SHF: variants seen among roughly 807,000 people sequenced by gnomAD.
SHF encodes the protein Src homology 2 domain containing F.
SHF carries 30 observed loss-of-function variants against 42.4 expected under a neutral mutation model. That is an observed-to-expected ratio of 0.71 (90% CI 0.53 to 0.96). The LOEUF (loss-of-function observed/expected upper bound fraction) is 0.96. Ranked by LOEUF, SHF falls within the 40% of genes least tolerant of loss-of-function variation. The pLI, the probability that SHF is intolerant of heterozygous loss-of-function variation, is 0.00. For missense variants in SHF, 598 were observed against 634.0 expected, an observed-to-expected ratio of 0.94 and a Z score of 0.61; for synonymous variants, 264 against 269.9, an observed-to-expected ratio of 0.98 and a Z score of 0.21.
intron 2 of SHF, 54 bp from the exon 3 acceptor site, chr15:45,175,479 C>T (rs1201293066): frequency 2.0e-6 from 3 of 1,525,430 alleles, no homozygotes; most frequent in Non-Finnish European, 2.7e-6. Flanking sequence ...GGCTTTCTGG[C>T]TCCCCTCCTC....
intron 1 of SHF, among the ~76,000 whole-genome samples, chr15:45,182,816 C>A (rs1479836293): frequency 6.6e-6 from 1 of 152,238 alleles, no homozygotes; most frequent in Non-Finnish European, 1.5e-5. Flanking sequence ...TCCTCGAGAT[C>A]AAACTTTTTA....
chr15:45,185,515 G>A (rs1898343978), intron 1 of SHF, among the ~76,000 whole-genome samples: 1 of 152,236 alleles, frequency 6.6e-6, no homozygotes, highest in South Asian at 2.1e-4. Context: ...CCTGCCCCGG[G>A]CCAACTCAGA....
chr15:45,200,442 C>T (rs537482987), intron 1 of SHF: 3 of 239,104 alleles, frequency 1.3e-5, no homozygotes, highest in Middle Eastern at 1.6e-3. Flanking sequence ...ACCGAGGTTG[C>T]TGCGGCCACA....
At chr15:45,194,493 A>G (rs1898806660) in intron 2 of SHF, among the ~76,000 whole-genome samples, 1 of 152,036 alleles carries the variant, frequency 6.6e-6, no homozygotes, top group African/African-American at 2.4e-5. Context: ...CTGAGGTTAC[A>G]GGTCCCTGCC....
chr15:45,173,539 G>A, intron 4 of SHF, 37 bp downstream of exon 4: 1 of 1,463,584 alleles, frequency 6.8e-7, no homozygotes, highest in Non-Finnish European at 9.0e-7. Flanking sequence ...GAGGGGTGAG[G>A]ACATGTCACC....
At chr15:45,177,910 CTT>C (rs953867672) in intron 2 of SHF, among the ~76,000 whole-genome samples, 1 of 152,222 alleles carries the variant, frequency 6.6e-6, no homozygotes, top group African/African-American at 2.4e-5. Context: ...CCTCACCACT[CTT>C]TTCCTTCCTA....
At chr15:45,195,260 A>G (rs1413352314) in intron 2 of SHF, among the ~76,000 whole-genome samples, 1 of 152,152 alleles carries the variant, frequency 6.6e-6, no homozygotes, top group Non-Finnish European at 1.5e-5. Context: ...CTTTATGGAG[A>G]TAATTTTTCC....
In SHF at chr15:45,187,564, G is replaced by C; in HGVS notation, c.388C>G (p.Pro130Ala). 2.4e-6 allele frequency: 3 copies of C among 1,229,258 alleles called. No individual in the cohort carries two copies. Among genetic ancestry groups the C allele is most frequent in the Non-Finnish European group, 2.0e-6 (2 of 985,738 alleles). The allele number at this position is 1,229,258 out of a possible 1,614,324, so 76.1% of individuals were successfully genotyped here. ...TGTGGGGGAGAGCCGTGGCGCGGGGGCGGCGTGGGTCCGGGGGCGACAGGG... is the reference window on the plus strand; with the variant it reads ...TGTGGGGGAGAGCCGTGGCGCGGGGCCGGCGTGGGTCCGGGGGCGACAGGG... ...ATPVAPGPTP[P>A]PRHGSPPHRL... Residue 130 changes from proline (P) to alanine (A), a missense_variant, in exon 1 of 7, where the codon CCC becomes GCC. Around this residue, in one of 2 missense-constraint regions of SHF, gnomAD observed 439 missense variants for 524.6 expected, o/e 0.84. Coordinates refer to ENST00000690270, the MANE Select transcript of SHF (RefSeq NM_001394037.1).
At chr15:45,187,991 T>TG (rs1369840032), upstream of SHF, 62 of 540,476 alleles carry the variant, frequency 1.1e-4, no homozygotes, top group Middle Eastern at 3.7e-3. Context: ...CAGCGGCGGG[T>TG]GGGGGGCGGG....
chr15:45,176,083 G>A (rs1595619754), intron 2 of SHF, among the ~76,000 whole-genome samples: 1 of 152,020 alleles, frequency 6.6e-6, no homozygotes, highest in African/African-American at 2.4e-5. Context: ...GCCTTCCAAA[G>A]TGCTGGGATT....
Position 45,171,869 on chromosome 15 carries a change from C to G in SHF, c.1280+14G>C, listed in dbSNP as rs904924565. 125 of 1,610,820 alleles carry G rather than the reference C, an allele frequency of 7.8e-5. No individual in the cohort carries two copies. Among genetic ancestry groups the G allele is most frequent in the Non-Finnish European group, 1.0e-4 (119 of 1,178,438 alleles). Reference sequence around the variant, plus strand: ...CTGCTTGCTGTCCCTGAAACCACAACTGTCCCCACTCACTTGAGGGAGAGG... The same window carrying G: ...CTGCTTGCTGTCCCTGAAACCACAAGTGTCCCCACTCACTTGAGGGAGAGG... On this transcript the variant is annotated intron_variant, in intron 6 of 6. Coordinates refer to ENST00000690270, the MANE Select transcript of SHF (RefSeq NM_001394037.1).
At position 45,186,655 on chromosome 15, in the gene SHF, G is replaced by A. The variant is rs1416957739; in HGVS notation, c.498+799C>T. On this transcript the variant is annotated intron_variant, in intron 1 of 6. Transcript: ENST00000690270. ...GCCTGCAGACCCAGGAAAAGCTCCA[G>A]CCTCCCTCAGAATGGACCAGGGGGA... Among the ~76,000 whole-genome samples, 3 of 152,258 alleles carry A rather than the reference G, an allele frequency of 2.0e-5. No individual in the cohort carries two copies. In the East Asian group the frequency reaches 5.8e-4, roughly 29 times the overall value.
chr15:45,179,956 G>A (rs1208204503), intron 1 of SHF, among the ~76,000 whole-genome samples: 1 of 152,118 alleles, frequency 6.6e-6, no homozygotes, highest in East Asian at 1.9e-4. Flanking sequence ...CCTTCTGCAT[G>A]TTCCTTCCAC....
chr15:45,181,613 G>A (rs1234067440), intron 1 of SHF, among the ~76,000 whole-genome samples: 2 of 152,190 alleles, frequency 1.3e-5, no homozygotes, highest in East Asian at 1.9e-4. Context: ...ACTAAGGGAC[G>A]CTCAACAGGC....
chr15:45,192,673 G>C (rs1276364485), upstream of SHF, among the ~76,000 whole-genome samples: 1 of 152,064 alleles, frequency 6.6e-6, no homozygotes, highest in Non-Finnish European at 1.5e-5. Flanking sequence ...GCCTGGCCCT[G>C]ATTCCAGATT....
At chr15:45,198,138 G>A (rs1898925969) in intron 2 of SHF, among the ~76,000 whole-genome samples, 1 of 152,038 alleles carries the variant, frequency 6.6e-6, no homozygotes, top group Non-Finnish European at 1.5e-5. Context: ...TCCGAGCATG[G>A]TGGTGCACGC....
At chr15:45,181,544 G>A (rs1312467722) in intron 1 of SHF, among the ~76,000 whole-genome samples, 1 of 152,168 alleles carries the variant, frequency 6.6e-6, no homozygotes, top group African/African-American at 2.4e-5. Flanking sequence ...ACTCTGATGT[G>A]CTCACTACTG....
At chr15:45,198,864 C>T (rs769828435) in exon 2 of SHF, 2 of 1,614,024 alleles carry the variant, frequency 1.2e-6, no homozygotes, top group East Asian at 2.2e-5. Flanking sequence ...GGCCCATTAG[C>T]CACGGGCTGT....
In SHF at chr15:45,172,018, AG is replaced by A; in HGVS notation, c.1161-17del. On this transcript the variant is annotated splice_polypyrimidine_tract_variant and intron_variant, in intron 5 of 6. Coordinates refer to ENST00000690270, the MANE Select transcript of SHF (RefSeq NM_001394037.1). Reference sequence around the variant, plus strand: ...GTGATACCAGCTAAGGATGAGAGAGAGGAAGGGGGGCATCTCTGCTGGGTCC... The same window carrying A: ...GTGATACCAGCTAAGGATGAGAGAGAGAAGGGGGGCATCTCTGCTGGGTCC... 6.2e-7 allele frequency: 1 copy of A among 1,613,756 alleles called. No individual in the cohort carries two copies. The highest frequency in any genetic ancestry group is 1.1e-5 in the South Asian group (1 of 91,062).
Sources: allele counts gnomAD v4.1 joint callset (sites outside exome capture counted in the v4.1 genomes callset), GRCh38; gene constraint gnomAD v4.1.1; regional missense constraint gnomAD v4.1.1; transcripts MANE v1.5; gene names NCBI Gene and HGNC (gene_info 2026-07-23, HGNC 2026-07-21).